Variants in SYN2 observed in about 807,000 individuals in gnomAD.
SYN2 encodes synapsin II, also known as synapsin-2.
A neutral mutation model predicts 50.9 loss-of-function variants in SYN2; 19 were observed. The ratio of observed to expected loss-of-function variants is 0.37; its 90% CI spans 0.26 to 0.55. The LOEUF (loss-of-function observed/expected upper bound fraction) is 0.55. Among genes scored for constraint, SYN2 ranks in the 20% least tolerant of loss-of-function variants. The probability of loss-of-function intolerance (pLI) is 0.81; values close to 1 mark genes in which losing one functional copy is unlikely to be tolerated. For missense variants in SYN2, 587 were observed against 576.4 expected (o/e 1.02, Z -0.19); for synonymous variants, 255 against 224.9 (o/e 1.13, Z -1.20).
At chr3:12,112,663 C>G (rs1696348433) in intron 1 of SYN2, among the ~76,000 whole-genome samples, 1 of 152,070 alleles carries the variant, frequency 6.6e-6, no homozygotes, top group Admixed American at 6.6e-5. Flanking sequence ...GATGAGGGCT[C>G]TAAAACCAAA....
intron 1 of SYN2, among the ~76,000 whole-genome samples, chr3:12,068,965 C>G (rs1695281105): frequency 6.6e-6 from 1 of 152,344 alleles, no homozygotes. Context: ...TATCTGCTTT[C>G]TGCCTCTACA....
At chr3:12,079,106 CTGT>C (rs767070897) in intron 1 of SYN2, among the ~76,000 whole-genome samples, 6 of 152,070 alleles carry the variant, frequency 3.9e-5, no homozygotes, top group Admixed American at 1.3e-4. Flanking sequence ...CTCTGCTAGC[CTGT>C]TGTTGGTGTA....
At chr3:12,088,060 C>A (rs1223571089) in intron 1 of SYN2, among the ~76,000 whole-genome samples, 1 of 152,100 alleles carries the variant, frequency 6.6e-6, no homozygotes, top group Non-Finnish European at 1.5e-5. Flanking sequence ...AGCAAAAATA[C>A]ACAATGAGAT....
chr3:12,014,640 A>G (rs1397858131), intron 1 of SYN2, among the ~76,000 whole-genome samples: 3 of 152,094 alleles, frequency 2.0e-5, no homozygotes, highest in Non-Finnish European at 4.4e-5. Context: ...TTTTTCTGAA[A>G]ATTCGGTCTT....
intron 4 of SYN2, among the ~76,000 whole-genome samples, chr3:12,147,864 AGCACTTTGGGAGGCTGAGGCAG>A (rs753945387): frequency 6.6e-6 from 1 of 152,176 alleles, no homozygotes; most frequent in Non-Finnish European, 1.5e-5. Context: ...CTGTAATCCC[AGCACTTTGGGAGGCTGAGGCAG>A]GCACATCACG....
intron 11 of SYN2, 116 bp downstream of exon 11, chr3:12,183,488 A>C (rs1698269218): frequency 6.3e-7 from 1 of 1,599,708 alleles, no homozygotes; most frequent in East Asian, 2.2e-5. Context: ...AGCCAAAAAC[A>C]AACGAAAGGA....
At chr3:12,110,071 C>T (rs945198675) in intron 1 of SYN2, among the ~76,000 whole-genome samples, 1 of 152,086 alleles carries the variant, frequency 6.6e-6, no homozygotes, top group African/African-American at 2.4e-5. Flanking sequence ...TACCTGTAGT[C>T]CCAGCTACTG....
chr3:12,183,521 C>T (rs141804249), intron 11 of SYN2, 149 bp downstream of exon 11: 1 of 1,565,400 alleles, frequency 6.4e-7, no homozygotes, highest in Non-Finnish European at 8.6e-7. Context: ...GAAAACAGAC[C>T]CTCCCACTGG....
intron 10 of SYN2, 98 bp from the exon 11 acceptor site, chr3:12,183,214 C>A: frequency 1.4e-6 from 2 of 1,468,464 alleles, no homozygotes; most frequent in Non-Finnish European, 9.1e-7. Context: ...CAGGTCCCAC[C>A]GGATTCCACT....
intron 3 of SYN2, among the ~76,000 whole-genome samples, chr3:12,142,931 A>C (rs1445650597): frequency 2.6e-5 from 4 of 152,216 alleles, no homozygotes; most frequent in African/African-American, 9.7e-5. Flanking sequence ...GAGCTTGTCC[A>C]TTCTGAAGAT....
intron 1 of SYN2, among the ~76,000 whole-genome samples, chr3:12,093,217 A>G (rs1194213573): frequency 6.6e-6 from 1 of 152,242 alleles, no homozygotes; most frequent in Non-Finnish European, 1.5e-5. Context: ...TTTATTGAAC[A>G]GATTCTGGAG....
chr3:12,027,951 CTTT>C (rs35864647), intron 1 of SYN2, among the ~76,000 whole-genome samples: 7 of 141,062 alleles, frequency 5.0e-5, no homozygotes, highest in Non-Finnish European at 7.6e-5. Flanking sequence ...ATAAGTAATT[CTTT>C]TTTTTTTTTT....
At chr3:12,105,620 A>G (rs2125192191) in intron 1 of SYN2, among the ~76,000 whole-genome samples, 2 of 151,722 alleles carry the variant, frequency 1.3e-5, no homozygotes, top group Middle Eastern at 6.8e-3. Context: ...ATCAGAAACA[A>G]TGTATAATAT....
intron 1 of SYN2, among the ~76,000 whole-genome samples, chr3:12,135,700 G>C (rs1696881825): frequency 6.6e-6 from 1 of 152,172 alleles, no homozygotes; most frequent in Non-Finnish European, 1.5e-5. Flanking sequence ...CCTCAGGATT[G>C]ACACATGTGA....
chr3:12,123,788 G>A (rs1308699167), intron 1 of SYN2, among the ~76,000 whole-genome samples: 3 of 151,916 alleles, frequency 2.0e-5, no homozygotes, highest in Non-Finnish European at 2.9e-5. Flanking sequence ...AGGCAAATGG[G>A]TCTTGATCTC....
intron 1 of SYN2, among the ~76,000 whole-genome samples, chr3:12,024,149 C>CTTT (rs35513783): frequency 4.5e-4 from 31 of 68,310 alleles, no homozygotes; most frequent in Non-Finnish European, 6.7e-4. Context: ...TCATTACTTC[C>CTTT]TTTTTTTTTT....
intron 1 of SYN2, among the ~76,000 whole-genome samples, chr3:12,072,967 C>T (rs1695393412): frequency 6.6e-6 from 1 of 152,090 alleles, no homozygotes; most frequent in African/African-American, 2.4e-5. Flanking sequence ...AGCCTACCAG[C>T]TGTGGGCCTC....
intron 1 of SYN2, among the ~76,000 whole-genome samples, chr3:12,050,623 C>A (rs190393762): frequency 6.8e-6 from 1 of 146,932 alleles, no homozygotes; most frequent in East Asian, 2.1e-4. Flanking sequence ...GGATTACAGG[C>A]GTGAGCCACT....
chr3:12,018,125 G>A (rs307617), intron 1 of SYN2, among the ~76,000 whole-genome samples: 149,001 of 152,312 alleles, frequency 0.98, 72,903 homozygotes, highest in Middle Eastern at 1. Context: ...TGATAGAGTC[G>A]GGACTAGAAC....
Sources: gnomAD v4.1 joint callset for allele counts (sites outside exome capture counted in the v4.1 genomes callset) on GRCh38, gnomAD v4.1.1 for gene constraint, MANE v1.5 for transcripts, NCBI Gene and HGNC (gene_info 2026-07-23, HGNC 2026-07-21) for gene names.